SEM1: variants seen among roughly 807,000 people sequenced by gnomAD.
SEM1 encodes 26S proteasome complex subunit SEM1.
Under a neutral mutation model 12.7 loss-of-function variants are expected in SEM1, and 3 were observed. The observed-to-expected ratio is 0.24, with a 90% CI of 0.11 to 0.61. The LOEUF (loss-of-function observed/expected upper bound fraction) is 0.61, where lower values mean the gene tolerates loss of function less well. Among genes scored for constraint, SEM1 ranks in the 20% least tolerant of loss-of-function variants. SEM1 has a pLI of 0.88. For synonymous variants in SEM1, 30 were observed against 27.8 expected, an observed-to-expected ratio of 1.08 and a Z score of -0.25; for missense variants, 59 against 81.3, an observed-to-expected ratio of 0.73 and a Z score of 1.06.
downstream of SEM1, among the ~76,000 whole-genome samples, chr7:96,620,806 T>C (rs1807869125): frequency 6.6e-6 from 1 of 152,196 alleles, no homozygotes; most frequent in Admixed American, 6.5e-5. Flanking sequence ...TCCCATTGTC[T>C]GTTGTGCTCA....
At chr7:96,544,113 A>G (rs572015145) in intron 2 of SEM1, among the ~76,000 whole-genome samples, 47 of 152,156 alleles carry the variant, frequency 3.1e-4, no homozygotes, top group African/African-American at 1.1e-3. Context: ...CATCACAGAG[A>G]AATGAAAATC....
At chr7:96,610,756 C>G (rs1807515284) in intron 2 of SEM1, among the ~76,000 whole-genome samples, 1 of 152,196 alleles carries the variant, frequency 6.6e-6, no homozygotes, top group Non-Finnish European at 1.5e-5. Context: ...GCATAAAATA[C>G]TGAGCCTGGG....
chr7:96,685,074 A>G (rs1017259287), downstream of SEM1, among the ~76,000 whole-genome samples: 4 of 152,100 alleles, frequency 2.6e-5, no homozygotes, highest in African/African-American at 9.7e-5. Flanking sequence ...CTCTCTCAAA[A>G]TGGGAAGTGT....
intron 2 of SEM1, among the ~76,000 whole-genome samples, chr7:96,633,605 A>G (rs1390534483): frequency 6.6e-6 from 1 of 152,162 alleles, no homozygotes; most frequent in East Asian, 1.9e-4. Context: ...ATGCAACCAG[A>G]AACACTTATA....
chr7:96,498,170 G>A (rs1803365685), upstream of SEM1, among the ~76,000 whole-genome samples: 1 of 152,170 alleles, frequency 6.6e-6, no homozygotes, highest in Non-Finnish European at 1.5e-5. Context: ...ATTGTACATT[G>A]TAGAGCTGAA....
At chr7:96,485,915 G>C (rs79027301) in intron 2 of SEM1, among the ~76,000 whole-genome samples, 11,316 of 152,062 alleles carry the variant, frequency 0.074, 515 homozygotes, top group East Asian at 0.12. Context: ...AGTGTACATG[G>C]ATTATAATGT....
chr7:96,591,302 A>G (rs1423761906), intron 2 of SEM1, among the ~76,000 whole-genome samples: 3 of 152,186 alleles, frequency 2.0e-5, no homozygotes, highest in Admixed American at 2.0e-4. Flanking sequence ...TACTCTTCAT[A>G]ATAAAAGACT....
At chr7:96,559,986 C>T (rs900441114) in intron 2 of SEM1, among the ~76,000 whole-genome samples, 13 of 152,148 alleles carry the variant, frequency 8.5e-5, no homozygotes, top group African/African-American at 3.1e-4. Flanking sequence ...AATAGAAAAA[C>T]CCAAAAAACT....
In SEM1 at chr7:96,709,829, G is replaced by A. The variant is rs1207904934; in HGVS notation, c.-66C>T. ...AGTTGGAACCCTCACTCTTCCTCAA[G>A]GAAACGCCACCGTCACTACCGCCTC... On this transcript the variant is annotated 5_prime_UTR_variant, in exon 1 of 3. Coordinates refer to ENST00000248566, the MANE Select transcript of SEM1 (RefSeq NM_006304.2). 1 of 1,489,276 alleles carries A rather than the reference G, an allele frequency of 6.7e-7. No homozygotes were observed. The highest frequency in any genetic ancestry group is 9.4e-7 in the Non-Finnish European group (1 of 1,069,336). 92.3% of individuals were successfully genotyped at this position (1,489,276 alleles called of 1,614,324 possible). A position where few individuals can be genotyped will look rare whatever the true frequency, so the allele number is the denominator to read the frequency against.
At chr7:96,534,616 C>G (rs1323541450) in intron 2 of SEM1, among the ~76,000 whole-genome samples, 2 of 151,958 alleles carry the variant, frequency 1.3e-5, no homozygotes, top group Non-Finnish European at 2.9e-5. Context: ...GGTGTAGTAT[C>G]ACAGAATAAT....
intron 2 of SEM1, among the ~76,000 whole-genome samples, chr7:96,689,915 G>A (rs1405870412): frequency 6.6e-6 from 1 of 152,082 alleles, no homozygotes; most frequent in Non-Finnish European, 1.5e-5. Flanking sequence ...TGCCCCTCAG[G>A]AAACTGGAGA....
chr7:96,665,276 G>A (rs778851049), intron 2 of SEM1, among the ~76,000 whole-genome samples: 15 of 152,148 alleles, frequency 9.9e-5, no homozygotes, highest in South Asian at 4.1e-4. Context: ...AGACCCCTCT[G>A]CAACACAGGA....
At chr7:96,489,735 C>G (rs1802926727) in intron 1 of SEM1, among the ~76,000 whole-genome samples, 1 of 152,160 alleles carries the variant, frequency 6.6e-6, no homozygotes, top group African/African-American at 2.4e-5. Context: ...GTAGCTCCAG[C>G]TGTGGCCAGC....
At chr7:96,588,190 G>A (rs948940194) in intron 2 of SEM1, among the ~76,000 whole-genome samples, 13 of 151,648 alleles carry the variant, frequency 8.6e-5, no homozygotes, top group Admixed American at 2.6e-4. Context: ...GCAATAGTGA[G>A]ACAAAAAATT....
chr7:96,544,949 T>G (rs925018411), intron 2 of SEM1, among the ~76,000 whole-genome samples: 4 of 151,956 alleles, frequency 2.6e-5, no homozygotes, highest in African/African-American at 7.2e-5. Flanking sequence ...AATTCAAGTT[T>G]AAGTAAACCC....
At chr7:96,682,027 T>G (rs746260569) in intron 2 of SEM1, among the ~76,000 whole-genome samples, 7 of 152,122 alleles carry the variant, frequency 4.6e-5, no homozygotes, top group Non-Finnish European at 1.0e-4. Flanking sequence ...GGATGGAATG[T>G]TTTTCCATTT....
At chr7:96,557,010 C>T (rs910537864) in intron 2 of SEM1, among the ~76,000 whole-genome samples, 20 of 149,846 alleles carry the variant, frequency 1.3e-4, no homozygotes, top group African/African-American at 2.0e-4. Flanking sequence ...GCATTCTTCA[C>T]GTAGTTCTCG....
At position 96,585,896 on chromosome 7, in the gene SEM1, C is replaced by T. The variant is rs1242427772; in HGVS notation, c.171-79198G>A. Reference sequence around the variant, plus strand: ...ACTCCCTAGTGAGATGAACCCTGTACCTCAGATGGAAATGCAGAAATCACC... The same window carrying T: ...ACTCCCTAGTGAGATGAACCCTGTATCTCAGATGGAAATGCAGAAATCACC... On this transcript the variant is annotated intron_variant and NMD_transcript_variant, in intron 2 of 3. Transcript: ENST00000466986. Among the ~76,000 whole-genome samples the T allele has an allele frequency of 6.6e-5, 10 of 152,330 alleles. No homozygotes were observed. The South Asian group carries it at 1.5e-3, about 22-fold the overall frequency.
At chr7:96,595,659 A>C (rs550981869) in intron 2 of SEM1, among the ~76,000 whole-genome samples, 20 of 152,116 alleles carry the variant, frequency 1.3e-4, no homozygotes, top group South Asian at 8.3e-4. Context: ...TTCGATTTTT[A>C]GATTTTTTTT....
Sources: gnomAD v4.1 joint callset for allele counts (sites outside exome capture counted in the v4.1 genomes callset) on GRCh38, gnomAD v4.1.1 for gene constraint, MANE v1.5 for transcripts, NCBI Gene and HGNC (gene_info 2026-07-23, HGNC 2026-07-21) for gene names.